Variants in CENPF observed in about 807,000 individuals in gnomAD.
CENPF encodes the protein centromere protein F.
In CENPF, 214 loss-of-function variants were observed where a neutral mutation model predicts 307.3. The observed-to-expected ratio is 0.70, with a 90% CI of 0.62 to 0.78. The LOEUF is 0.78. Among genes scored for constraint, CENPF ranks in the 30% least tolerant of loss-of-function variants. The pLI is 0.00. For synonymous variants in CENPF, 1,259 were observed against 1,270.6 expected, an observed-to-expected ratio of 0.99 and a Z score of 0.19; for missense variants, 3,401 against 3,483.9, an observed-to-expected ratio of 0.98 and a Z score of 0.60.
At chr1:214,626,196 C>A (rs1423628872) in intron 7 of CENPF, among the ~76,000 whole-genome samples, 1 of 152,064 alleles carries the variant, frequency 6.6e-6, no homozygotes, top group Non-Finnish European at 1.5e-5. Flanking sequence ...TCTTTTCATT[C>A]CTGAAGGATA....
At chr1:214,611,746 G>A (rs1657206688) in intron 1 of CENPF, among the ~76,000 whole-genome samples, 1 of 152,224 alleles carries the variant, frequency 6.6e-6, no homozygotes, top group South Asian at 2.1e-4. Context: ...TGGCAATCGT[G>A]AATGAGATTG....
At position 214,608,651 on chromosome 1, in the gene CENPF, C is replaced by T. The variant is rs575114342; in HGVS notation, c.-41-5063C>T. The T allele has an allele frequency of 2.6e-5, 41 of 1,602,240 alleles. No individual in the cohort carries two copies. In the African/African-American group the frequency reaches 3.3e-4, roughly 13 times the overall value. On this transcript the variant is annotated intron_variant, in intron 1 of 19. Coordinates refer to ENST00000366955, the MANE Select transcript of CENPF (RefSeq NM_016343.4). ...TCCGTCAGGTGCAGCTTCCAGCGCC[C>T]GGGTGCGCCCGAGGAGGCCCGCAGG...
At chr1:214,660,638 G>A (rs1658765858) in intron 19 of CENPF, among the ~76,000 whole-genome samples, 1 of 152,170 alleles carries the variant, frequency 6.6e-6, no homozygotes, top group African/African-American at 2.4e-5. Flanking sequence ...AAGGGTGACT[G>A]GGAGCCACCC....
chr1:214,648,726 A>T lies in CENPF; in HGVS notation c.7882A>T (p.Met2628Leu). ...TGAGCTGCAGAGGGAAATGCATGAG[A>T]TGGCACAGAAAACAGCAGAGCTGCA... is the stretch of plus-strand genomic sequence containing the variant. ...ETELQREMHE[M>L]AQKTAELQEE... Residue 2628 changes from methionine (M) to leucine (L), a missense_variant, in exon 14 of 20, where the codon ATG becomes TTG. By Grantham distance (15) the Met-to-Leu change is conservative. Coordinates refer to ENST00000366955, the MANE Select transcript of CENPF (RefSeq NM_016343.4). The T allele has an allele frequency of 6.2e-7, 1 of 1,614,108 alleles. No individual in the cohort carries two copies. The highest frequency in any genetic ancestry group is 8.5e-7 in the Non-Finnish European group (1 of 1,179,958).
chr1:214,650,532 A>G (rs1279250876), intron 14 of CENPF, among the ~76,000 whole-genome samples: 1 of 152,134 alleles, frequency 6.6e-6, no homozygotes, highest in African/African-American at 2.4e-5. Flanking sequence ...AGCAAAGAAG[A>G]CAGAGAGAAG....
chr1:214,650,523 G>GC (rs1268664666), intron 14 of CENPF, among the ~76,000 whole-genome samples: 1 of 152,166 alleles, frequency 6.6e-6, no homozygotes, highest in African/African-American at 2.4e-5. Flanking sequence ...AGAAGAGCCA[G>GC]CAAAGAAGAC....
Position 214,644,951 on chromosome 1 carries a change from A to T in CENPF, c.5381A>T (p.Asp1794Val). ...TTACTTCATGTGATAGAGGACCGTG[A>T]CAGAAAAGTTGAAAGTTTGCTAAAT... ...LRLLHVIEDR[D>V]RKVESLLNEM... The change falls in exon 13 of 20, where the codon GAC (aspartate) becomes GTC (valine). Residue 1794 changes from aspartate (D) to valine (V), a missense_variant. Physicochemically the swap from Asp to Val is radical, Grantham distance 152. Coordinates refer to ENST00000366955, the MANE Select transcript of CENPF (RefSeq NM_016343.4). 1.2e-6 allele frequency: 2 copies of T among 1,613,140 alleles called. No individual in the cohort carries two copies. Among genetic ancestry groups the T allele is most frequent in the Non-Finnish European group, 1.7e-6 (2 of 1,179,680 alleles).
At chr1:214,632,031 AT>A (rs1354263310) in intron 9 of CENPF, among the ~76,000 whole-genome samples, 1 of 152,064 alleles carries the variant, frequency 6.6e-6, no homozygotes, top group Admixed American at 6.5e-5. Context: ...AGCCATTTGT[AT>A]TTTTTGTATA....
At chr1:214,603,634 AT>A (rs1338285050) in intron 1 of CENPF, 2 of 152,288 alleles carry the variant, frequency 1.3e-5, no homozygotes, top group African/African-American at 4.8e-5. Context: ...CCGTAAAAGA[AT>A]TGGAGATGAC....
At chr1:214,638,957 ATTGT>A (rs1170810895) in intron 11 of CENPF, among the ~76,000 whole-genome samples, 3 of 152,198 alleles carry the variant, frequency 2.0e-5, no homozygotes, top group Non-Finnish European at 4.4e-5. Flanking sequence ...CACCCAGGTG[ATTGT>A]TTGAGTTGCT....
chr1:214,644,989 T>C lies in CENPF; in HGVS notation c.5419T>C (p.Leu1807=). ...VESLLNEMKE[L]DSKLHLQEVQ... ...AAGTTTGCTAAATGAAATGAAAGAA[T>C]TAGACTCAAAACTCCATTTACAGGA... The change falls in exon 13 of 20, where the codon TTA becomes CTA. Residue 1807 remains leucine (L), a synonymous_variant. Coordinates refer to ENST00000366955, the MANE Select transcript of CENPF (RefSeq NM_016343.4). 1 of 1,613,184 alleles carries C rather than the reference T, an allele frequency of 6.2e-7. No individual in the cohort carries two copies. The highest frequency in any genetic ancestry group is 1.1e-5 in the South Asian group (1 of 90,930).
intron 10 of CENPF, among the ~76,000 whole-genome samples, chr1:214,635,506 G>T (rs1375908854): frequency 6.6e-6 from 1 of 152,134 alleles, no homozygotes; most frequent in African/African-American, 2.4e-5. Context: ...ATGTATCTTT[G>T]TATGCTTAAC....
At chr1:214,660,261 T>A (rs1201607489) in intron 19 of CENPF, among the ~76,000 whole-genome samples, 1 of 152,216 alleles carries the variant, frequency 6.6e-6, no homozygotes, top group Non-Finnish European at 1.5e-5. Context: ...TGAAGAAGAA[T>A]GCTCTGAGAT....
intron 7 of CENPF, among the ~76,000 whole-genome samples, chr1:214,628,055 A>G (rs1341210532): frequency 6.6e-6 from 1 of 152,186 alleles, no homozygotes; most frequent in African/African-American, 2.4e-5. Context: ...GTTCACAGAT[A>G]AAAAGGTCCG....
At position 214,646,068 on chromosome 1, in the gene CENPF, A is replaced by T. The variant is rs1447058373; in HGVS notation, c.6498A>T (p.Ser2166=). The T allele has an allele frequency of 6.2e-7, 1 of 1,614,122 alleles. No homozygotes were observed. The highest frequency in any genetic ancestry group is 1.1e-5 in the South Asian group (1 of 91,088). The change falls in exon 13 of 20, where the codon TCA becomes TCT. Residue 2166 remains serine, a synonymous_variant. Coordinates refer to ENST00000366955, the MANE Select transcript of CENPF (RefSeq NM_016343.4). ...VENLERELQM[S]EENQELVILD... is the part of the protein sequence containing the mutation. Reference sequence around the variant, plus strand: ...ACCTTGAAAGGGAATTGCAGATGTCAGAAGAAAACCAGGAGCTAGTGATTC... The same window carrying T: ...ACCTTGAAAGGGAATTGCAGATGTCTGAAGAAAACCAGGAGCTAGTGATTC...
Position 214,622,252 on chromosome 1 carries a change from A to G in CENPF, c.1039A>G (p.Thr347Ala). Residue 347 changes from threonine (T) to alanine (A), a missense_variant, in exon 7 of 20, where the codon ACA (threonine) becomes GCA (alanine). By Grantham distance (58) the Thr-to-Ala change is moderately conservative. Transcript: ENST00000366955. ...NKCRDELVRT[T>A]AQYDQASTKY... ...ATGTAGGGATGAACTAGTGAGAACA[A>G]CAGCACAATACGACCAGGCGTCAAC... 6.2e-7 allele frequency: 1 copy of G among 1,613,618 alleles called. No homozygotes were observed. The highest frequency in any genetic ancestry group is 8.5e-7 in the Non-Finnish European group (1 of 1,179,888).
rs1402903562 is a variant in CENPF, at chr1:214,629,183, G to T, written c.1194+12G>T. ...AGGAGTTTCAAGAGGTAAGGTAAAT[G>T]GATTCATGAGGTGTTTGTCTGAAAG... On this transcript the variant is annotated intron_variant, in intron 8 of 19. Coordinates refer to ENST00000366955, the MANE Select transcript of CENPF (RefSeq NM_016343.4). 6.3e-7 allele frequency: 1 copy of T among 1,583,432 alleles called. No homozygotes were observed. The highest frequency in any genetic ancestry group is 8.6e-7 in the Non-Finnish European group (1 of 1,167,772).
At chr1:214,619,640 G>C (rs1255826525) in intron 5 of CENPF, among the ~76,000 whole-genome samples, 1 of 152,062 alleles carries the variant, frequency 6.6e-6, no homozygotes, top group East Asian at 1.9e-4. Context: ...CGTGTTATTT[G>C]CTGAAAACAG....
chr1:214,616,845 CTTTCTTTCTTTCTTTCTT>C (rs1657357190), intron 3 of CENPF, among the ~76,000 whole-genome samples: 1 of 3,658 alleles, frequency 2.7e-4, no homozygotes, highest in South Asian at 0.015. Flanking sequence ...CTCTTTCTTT[CTTTCTTTCTTTCTTTCTT>C]TCTTTCTTTC....
Sources: gnomAD v4.1 joint callset for allele counts (sites outside exome capture counted in the v4.1 genomes callset) on GRCh38, gnomAD v4.1.1 for gene constraint, MANE v1.5 for transcripts, NCBI Gene and HGNC (gene_info 2026-07-23, HGNC 2026-07-21) for gene names.